Variants in NKAIN2 observed in about 807,000 individuals in gnomAD.
The protein encoded by NKAIN2 is sodium/potassium-transporting ATPase subunit beta-1-interacting protein 2.
Under a neutral mutation model 32.6 loss-of-function variants are expected in NKAIN2, and 14 were observed. The observed-to-expected ratio is 0.43, with a 90% confidence interval of 0.28 to 0.67. The LOEUF (loss-of-function observed/expected upper bound fraction) is 0.67, where lower values mean the gene tolerates loss of function less well. NKAIN2 is among the 30% of genes least tolerant of loss of function. NKAIN2 has a pLI of 0.17. For synonymous variants in NKAIN2, 80 were observed against 87.2 expected (o/e 0.92, Z 0.46); for missense variants, 198 against 258.3 (o/e 0.77, Z 1.60).
At chr6:123,918,459 G>C (rs528462102) in intron 1 of NKAIN2, among the ~76,000 whole-genome samples, 51 of 152,256 alleles carry the variant, frequency 3.3e-4, no homozygotes, top group Middle Eastern at 3.4e-3. Context: ...TGTTATTTAA[G>C]GTAAGAGAAA....
intron 1 of NKAIN2, among the ~76,000 whole-genome samples, chr6:123,818,489 A>G (rs1773793169): frequency 6.6e-6 from 1 of 152,136 alleles, no homozygotes; most frequent in South Asian, 2.1e-4. Context: ...AGGTTCTGCA[A>G]GAATTTTAAT....
chr6:124,348,691 C>G (rs936172933), intron 2 of NKAIN2, among the ~76,000 whole-genome samples: 4 of 152,252 alleles, frequency 2.6e-5, no homozygotes, highest in African/African-American at 4.8e-5. Flanking sequence ...GTGATTTCTG[C>G]ATTTCCATCT....
chr6:124,168,337 C>T (rs1174383081), intron 1 of NKAIN2, among the ~76,000 whole-genome samples: 1 of 152,022 alleles, frequency 6.6e-6, no homozygotes, highest in Non-Finnish European at 1.5e-5. Context: ...TTTGGTGTTT[C>T]TGGGAATTTT....
intron 4 of NKAIN2, among the ~76,000 whole-genome samples, chr6:124,667,472 G>A (rs1772861649): frequency 6.6e-6 from 1 of 151,998 alleles, no homozygotes; most frequent in South Asian, 2.1e-4. Context: ...AGTATATGAA[G>A]ATATATTAAA....
chr6:123,871,814 A>G (rs950595632), intron 1 of NKAIN2, among the ~76,000 whole-genome samples: 2 of 152,226 alleles, frequency 1.3e-5, no homozygotes, highest in African/African-American at 4.8e-5. Context: ...AATTTAAAAC[A>G]TATAAATATT....
intron 3 of NKAIN2, among the ~76,000 whole-genome samples, chr6:124,471,758 CTAGA>C: frequency 6.6e-6 from 1 of 152,048 alleles, no homozygotes; most frequent in Middle Eastern, 3.4e-3. Flanking sequence ...ACATTTAGAC[CTAGA>C]TAAACTCATA....
chr6:124,064,991 G>A (rs1467191817), intron 1 of NKAIN2, among the ~76,000 whole-genome samples: 1 of 152,084 alleles, frequency 6.6e-6, no homozygotes, highest in East Asian at 1.9e-4. Flanking sequence ...CCCTGGTACT[G>A]AGTTAGCTGT....
chr6:124,815,228 A>ATATATATATATATATATATATG, intron 5 of NKAIN2, among the ~76,000 whole-genome samples: 1 of 141,208 alleles, frequency 7.1e-6, no homozygotes, highest in Non-Finnish European at 1.5e-5. Context: ...ATATATACAT[A>ATATATATATATATATATATATG]TATATATATA....
chr6:124,582,794 C>G (rs1045119111), intron 3 of NKAIN2, among the ~76,000 whole-genome samples: 5 of 152,116 alleles, frequency 3.3e-5, no homozygotes, highest in Non-Finnish European at 5.9e-5. Context: ...GGATTTATCC[C>G]AGGGATGCAA....
At chr6:124,156,307 C>T (rs561219581) in intron 1 of NKAIN2, among the ~76,000 whole-genome samples, 8 of 152,116 alleles carry the variant, frequency 5.3e-5, no homozygotes, top group African/African-American at 1.7e-4. Context: ...AAATTGGTTT[C>T]GATGATTCAC....
intron 1 of NKAIN2, among the ~76,000 whole-genome samples, chr6:124,201,997 C>T (rs1399777189): frequency 2.0e-5 from 3 of 151,982 alleles, no homozygotes; most frequent in South Asian, 4.1e-4. Context: ...TATCAACAAA[C>T]GTGGTTAGCT....
chr6:124,067,890 A>G (rs1783268115), intron 1 of NKAIN2, among the ~76,000 whole-genome samples: 1 of 152,182 alleles, frequency 6.6e-6, no homozygotes, highest in Non-Finnish European at 1.5e-5. Flanking sequence ...TAAGTGTTAG[A>G]GGTAGAAATG....
intron 2 of NKAIN2, among the ~76,000 whole-genome samples, chr6:124,312,916 G>A (rs1308650412): frequency 6.6e-6 from 1 of 152,024 alleles, no homozygotes; most frequent in East Asian, 1.9e-4. Flanking sequence ...AGAAAAGCGG[G>A]AGGAAATTAG....
chr6:124,381,906 G>C (rs2114375945), intron 3 of NKAIN2, among the ~76,000 whole-genome samples: 1 of 152,252 alleles, frequency 6.6e-6, no homozygotes, highest in East Asian at 1.9e-4. Context: ...CACACATTTT[G>C]TGTTAAAGCC....
At chr6:124,523,718 A>G (rs1779209094) in intron 3 of NKAIN2, among the ~76,000 whole-genome samples, 1 of 152,114 alleles carries the variant, frequency 6.6e-6, no homozygotes, top group Admixed American at 6.5e-5. Context: ...TGGCCAACTA[A>G]CAAAGACCCA....
intron 1 of NKAIN2, among the ~76,000 whole-genome samples, chr6:124,108,998 A>C (rs1483828351): frequency 6.6e-6 from 1 of 151,944 alleles, no homozygotes; most frequent in Non-Finnish European, 1.5e-5. Context: ...AGGCCTCAAA[A>C]TTTATTTTTC....
In NKAIN2 at chr6:124,263,178, C is replaced by T. The variant is rs76707046; in HGVS notation, c.55-19827C>T. Reference sequence around the variant, plus strand: ...ACTATGATGGCTAAATACTATATTTCGTACATTTGCATATGAAGTACACAT... The same window carrying T: ...ACTATGATGGCTAAATACTATATTTTGTACATTTGCATATGAAGTACACAT... On this transcript the variant is annotated intron_variant, in intron 1 of 6. Transcript: ENST00000368417. 6.0e-4 allele frequency among the ~76,000 whole-genome samples: 91 copies of T among 152,212 alleles called. No homozygotes were observed. In the East Asian group the frequency reaches 0.016, roughly 26 times the overall value.
chr6:123,902,364 T>A (rs569611196), intron 1 of NKAIN2, among the ~76,000 whole-genome samples: 128 of 152,062 alleles, frequency 8.4e-4, no homozygotes, highest in Non-Finnish European at 5.4e-4. Flanking sequence ...AAATCCAAAA[T>A]AAAAAAGGCT....
intron 2 of NKAIN2, among the ~76,000 whole-genome samples, chr6:124,302,237 G>A (rs1002374648): frequency 1.1e-4 from 17 of 152,158 alleles, no homozygotes; most frequent in Non-Finnish European, 2.2e-4. Context: ...GAGGCCTCCC[G>A]GCCATGTGAA....
Sources: allele counts gnomAD v4.1 joint callset (sites outside exome capture counted in the v4.1 genomes callset), GRCh38; gene constraint gnomAD v4.1.1; transcripts MANE v1.5; gene names NCBI Gene and HGNC (gene_info 2026-07-23, HGNC 2026-07-21).